The following RTF1 variants were observed in gnomAD, a reference collection of about 807,000 sequenced individuals.
The protein encoded by RTF1 is RTF1 homolog, Paf1/RNA polymerase II complex component.
Under a neutral mutation model 95.7 loss-of-function variants are expected in RTF1, and 10 were observed. The ratio of observed to expected loss-of-function variants is 0.10; its 90% CI spans 0.06 to 0.18. RTF1 has a LOEUF of 0.18. Among genes scored for constraint, RTF1 ranks in the 10% least tolerant of loss-of-function variants. The pLI, the probability that RTF1 is intolerant of heterozygous loss-of-function variation, is 1.00. For synonymous variants in RTF1, 305 were observed against 311.8 expected, an observed-to-expected ratio of 0.98 and a Z score of 0.23; for missense variants, 458 against 875.6, an observed-to-expected ratio of 0.52 and a Z score of 6.02.
chr15:41,481,409 C>T lies in RTF1; in HGVS notation c.*722C>T, dbSNP rs1474901637. The T allele has an allele frequency of 6.6e-6, 1 of 152,558 alleles. No individual in the cohort carries two copies. 9.5% of individuals were successfully genotyped at this position (152,558 alleles called of 1,614,324 possible). A position where few individuals can be genotyped will look rare whatever the true frequency, so the allele number is the denominator to read the frequency against. On this transcript the variant is annotated 3_prime_UTR_variant, in exon 18 of 18. Transcript: ENST00000389629. Reference sequence around the variant, plus strand: ...AGCTGTACTTGAGCATCTGAAACTGCAAGAAAGAAACTCATTAAATGTGAT... The same window carrying T: ...AGCTGTACTTGAGCATCTGAAACTGTAAGAAAGAAACTCATTAAATGTGAT...
intron 2 of RTF1, chr15:41,448,829 C>A (rs1254538158): frequency 6.6e-6 from 1 of 152,082 alleles, no homozygotes; most frequent in Non-Finnish European, 1.5e-5. Flanking sequence ...TAGATATGTG[C>A]TGCTGAAGCG....
chr15:41,442,013 A>G (rs552580056), intron 2 of RTF1, among the ~76,000 whole-genome samples: 64 of 152,286 alleles, frequency 4.2e-4, no homozygotes, highest in Middle Eastern at 3.4e-3. Context: ...TAAAATCTTT[A>G]TTAAAAAATT....
At chr15:41,445,286 C>G (rs1200902330) in intron 2 of RTF1, among the ~76,000 whole-genome samples, 2 of 152,162 alleles carry the variant, frequency 1.3e-5, no homozygotes, top group Admixed American at 6.6e-5. Flanking sequence ...GACAAATAGA[C>G]AGTAACACCT....
chr15:41,450,826 C>G (rs2050786271), intron 2 of RTF1, among the ~76,000 whole-genome samples: 1 of 151,896 alleles, frequency 6.6e-6, no homozygotes, highest in Admixed American at 6.6e-5. Flanking sequence ...TGGTGCACAC[C>G]TGTAGTCCCA....
chr15:41,467,724 A>C (rs1050757596), intron 6 of RTF1, among the ~76,000 whole-genome samples: 7 of 151,336 alleles, frequency 4.6e-5, no homozygotes, highest in Non-Finnish European at 7.4e-5. Flanking sequence ...TAAAAAAAAA[A>C]CAACAAAAGA....
At chr15:41,447,051 C>T (rs1282219664) in intron 2 of RTF1, among the ~76,000 whole-genome samples, 1 of 152,166 alleles carries the variant, frequency 6.6e-6, no homozygotes, top group Non-Finnish European at 1.5e-5. Flanking sequence ...GATCCACCTG[C>T]CTCAGTCTCA....
intron 1 of RTF1, among the ~76,000 whole-genome samples, chr15:41,419,662 A>G (rs1478462804): frequency 2.6e-5 from 4 of 152,194 alleles, no homozygotes; most frequent in Non-Finnish European, 4.4e-5. Flanking sequence ...CATCTGTTCA[A>G]GTGATGAATG....
At chr15:41,430,969 C>T (rs111787670) in intron 1 of RTF1, among the ~76,000 whole-genome samples, 7,656 of 151,676 alleles carry the variant, frequency 0.05, 229 homozygotes, top group East Asian at 0.16. Context: ...GTGGTGTGAT[C>T]TCGGCTCACT....
chr15:41,458,457 C>G (rs917372225), intron 4 of RTF1, among the ~76,000 whole-genome samples: 3 of 152,290 alleles, frequency 2.0e-5, no homozygotes, highest in African/African-American at 7.2e-5. Context: ...TTTACCTATT[C>G]TGTAACACCG....
Position 41,417,098 on chromosome 15 carries a change from G to A in RTF1, c.-18G>A. The A allele has an allele frequency of 8.1e-7, 1 of 1,232,120 alleles. No individual in the cohort carries two copies. Among genetic ancestry groups the A allele is most frequent in the Non-Finnish European group, 1.0e-6 (1 of 984,840 alleles). 76.3% of individuals were successfully genotyped at this position (1,232,120 alleles called of 1,614,324 possible). A position where few individuals can be genotyped will look rare whatever the true frequency, so the allele number is the denominator to read the frequency against. On this transcript the variant is annotated 5_prime_UTR_variant, in exon 1 of 18. Transcript: ENST00000389629. The stretch of plus-strand genomic sequence containing the variant: ...CGGCGAGCAGGGGGCGGGGCCAGGG[G>A]GGCGGAGCGGAGCGCGCATGCGCGG...
intron 3 of RTF1, 70 bp from the exon 4 acceptor site, chr15:41,457,602 A>G (rs1274720659): frequency 9.0e-6 from 12 of 1,333,902 alleles, no homozygotes; most frequent in South Asian, 2.4e-5. Flanking sequence ...GATGTTGTCA[A>G]CATTGTGGAG....
In RTF1 at chr15:41,480,990, C is replaced by G. The variant is rs1229463542; in HGVS notation, c.*303C>G. ...TTTTTTAACCGCGCAGTTCATTGGC[C>G]ACTCTGCACGCATTCAGTATTACCA... is the stretch of plus-strand genomic sequence containing the variant. On this transcript the variant is annotated 3_prime_UTR_variant, in exon 18 of 18. Transcript: ENST00000389629. 3 of 333,372 alleles carry G rather than the reference C, an allele frequency of 9.0e-6. No individual in the cohort carries two copies. In the East Asian group the frequency reaches 1.8e-4, roughly 20 times the overall value. 20.7% of individuals were successfully genotyped at this position (333,372 alleles called of 1,614,324 possible).
At chr15:41,435,789 C>A (rs916530986) in intron 1 of RTF1, among the ~76,000 whole-genome samples, 1 of 152,140 alleles carries the variant, frequency 6.6e-6, no homozygotes, top group East Asian at 1.9e-4. Flanking sequence ...TGTCTTGGCA[C>A]TTGATCCATA....
intron 1 of RTF1, among the ~76,000 whole-genome samples, chr15:41,425,541 C>T (rs2050624624): frequency 6.6e-6 from 1 of 152,106 alleles, no homozygotes; most frequent in South Asian, 2.1e-4. Flanking sequence ...GAGGGGGACA[C>T]TAATGAAGTG....
At chr15:41,432,765 C>G (rs2050681770) in intron 1 of RTF1, among the ~76,000 whole-genome samples, 1 of 151,762 alleles carries the variant, frequency 6.6e-6, no homozygotes, top group African/African-American at 2.4e-5. Context: ...TGGTGAAACC[C>G]TACTTCTACT....
chr15:41,446,659 T>A (rs2050764980), intron 2 of RTF1, among the ~76,000 whole-genome samples: 1 of 152,200 alleles, frequency 6.6e-6, no homozygotes, highest in Non-Finnish European at 1.5e-5. Flanking sequence ...CTCCTTTTAG[T>A]CTCACACTAC....
rs552547061 is a variant in RTF1, at chr15:41,482,085, G to C, written c.*1398G>C. On this transcript the variant is annotated 3_prime_UTR_variant, in exon 18 of 18. Coordinates refer to ENST00000389629, the MANE Select transcript of RTF1 (RefSeq NM_015138.5). ...ACAGAGTGAGACTCCGCCTCAAAAA[G>C]ATTTAGGTTGCAAATGTTTCAAGCA... 6.6e-6 allele frequency: 1 copy of C among 152,254 alleles called. No individual in the cohort carries two copies. The highest frequency in any genetic ancestry group is 1.5e-5 in the Non-Finnish European group (1 of 68,076). The allele number at this position is 152,254 out of a possible 1,614,324, so 9.4% of individuals were successfully genotyped here.
chr15:41,429,493 T>C (rs2050657818), intron 1 of RTF1, among the ~76,000 whole-genome samples: 1 of 151,898 alleles, frequency 6.6e-6, no homozygotes, highest in Non-Finnish European at 1.5e-5. Context: ...AAACCCTTGC[T>C]GGATTGGGTT....
In RTF1 at chr15:41,438,276, T is replaced by C. The variant is rs1434322675; in HGVS notation, c.199-45T>C. 4.5e-6 allele frequency: 6 copies of C among 1,321,912 alleles called. 1 individual carries two copies. Among genetic ancestry groups the C allele is most frequent in the Non-Finnish European group, 6.3e-6 (6 of 952,716 alleles). The allele number at this position is 1,321,912 out of a possible 1,614,324, so 81.9% of individuals were successfully genotyped here. ...GGCATTTTATTATTCTTGGATATTC[T>C]TTCTCTGTTGAACAAAACTGATGTG... is the stretch of plus-strand genomic sequence containing the variant. On this transcript the variant is annotated intron_variant, in intron 1 of 17. Transcript: ENST00000389629.
Sources: allele counts gnomAD v4.1 joint callset (sites outside exome capture counted in the v4.1 genomes callset), GRCh38; gene constraint gnomAD v4.1.1; transcripts MANE v1.5; gene names NCBI Gene and HGNC (gene_info 2026-07-23, HGNC 2026-07-21).